Variants in GRIP2 observed in about 807,000 individuals in gnomAD.
GRIP2 encodes glutamate receptor interacting protein 2.
GRIP2 carries 58 observed loss-of-function variants against 108.3 expected under a neutral mutation model. That is an observed-to-expected ratio of 0.54 (90% CI 0.43 to 0.67). The LOEUF (loss-of-function observed/expected upper bound fraction) is 0.67, where lower values mean the gene tolerates loss of function less well. GRIP2 is among the 30% of genes least tolerant of loss of function. The pLI is 0.00. For missense variants in GRIP2, 1,278 were observed against 1,430.6 expected (o/e 0.89, Z 1.72); for synonymous variants, 586 against 598.2 (o/e 0.98, Z 0.30).
chr3:14,521,060 G>A lies in GRIP2; in HGVS notation c.713-523C>T, dbSNP rs559633357. On this transcript the variant is annotated intron_variant, in intron 7 of 23. Transcript: ENST00000621039. This position sits in a 1 kb window ranked among gnomAD's most constrained non-coding sequence, Gnocchi z 5.1. ...GCCACCAGCCTGGTTCAGTCCCTTAGCTCTCGCTTGGACAGCTGCTGCCGC... is the reference window on the plus strand; with the variant it reads ...GCCACCAGCCTGGTTCAGTCCCTTAACTCTCGCTTGGACAGCTGCTGCCGC... 7.4e-4 allele frequency: 128 copies of A among 171,922 alleles called. 1 individual carries two copies. In the South Asian group the frequency reaches 0.018, roughly 24 times the overall value. The allele number at this position is 171,922 out of a possible 1,614,324, so 10.6% of individuals were successfully genotyped here.
intron 9 of GRIP2, among the ~76,000 whole-genome samples, chr3:14,519,897 G>T (rs553981475): frequency 1.4e-4 from 21 of 152,110 alleles, no homozygotes; most frequent in Non-Finnish European, 2.6e-4. Flanking sequence ...ATCTATGCCA[G>T]CAGACTCAAT....
At chr3:14,583,501 C>T in the GRIP2 span, among the ~76,000 whole-genome samples, 6 of 152,320 alleles carry the variant, frequency 3.9e-5, no homozygotes, top group South Asian at 8.3e-4. Context: ...GCTACTGGGG[C>T]CTTCCCTGAC....
the GRIP2 span, chr3:14,572,931 C>A: frequency 7.2e-6 from 10 of 1,384,068 alleles, no homozygotes; most frequent in Admixed American, 1.7e-4. Context: ...ACACCACTCA[C>A]GGCAGACAGG....
Position 14,511,322 on chromosome 3 carries a change from G to C in GRIP2, c.1788-12C>G, listed in dbSNP as rs148141403. 6.2e-7 allele frequency: 1 copy of C among 1,613,954 alleles called. No homozygotes were observed. The highest frequency in any genetic ancestry group is 1.7e-5 in the Admixed American group (1 of 60,024). The stretch of plus-strand genomic sequence containing the variant: ...CCAGGGTGCCCGTCCTGCATGAGTC[G>C]GGGGCAGAGGGGATGGAAGGAGCCT... On this transcript the variant is annotated splice_polypyrimidine_tract_variant and intron_variant, in intron 15 of 23. Coordinates refer to ENST00000621039, the MANE Select transcript of GRIP2 (RefSeq NM_001080423.4). This position sits in a 1 kb window ranked among gnomAD's most constrained non-coding sequence, Gnocchi z 4.1.
chr3:14,509,025 C>T (rs1694008241), intron 17 of GRIP2, among the ~76,000 whole-genome samples: 1 of 152,090 alleles, frequency 6.6e-6, no homozygotes, highest in Non-Finnish European at 1.5e-5. Flanking sequence ...TTGATGAAGA[C>T]ATTGGGGTCA....
chr3:14,503,872 C>A (rs1374699908), intron 20 of GRIP2: 21 of 584,926 alleles, frequency 3.6e-5, no homozygotes, highest in Non-Finnish European at 2.7e-5. Context: ...GGGAAAGACG[C>A]AGTTAGGGGC....
At position 14,517,826 on chromosome 3, in the gene GRIP2, C is replaced by A. The variant is rs369712262; in HGVS notation, c.1102G>T (p.Gly368Cys). 14 of 1,604,808 alleles carry A rather than the reference C, an allele frequency of 8.7e-6. No homozygotes were observed. Among genetic ancestry groups the A allele is most frequent in the South Asian group, 1.1e-5 (1 of 89,206 alleles). Residue 368 changes from glycine to cysteine, a missense_variant, in exon 10 of 24, where the codon GGC becomes TGC. Transcript: ENST00000621039. ...CVPSCHSPRP[G>C]HCRMPTWATP... is the part of the protein sequence containing the mutation. ...GCCCAGGTGGGCATCCTGCAGTGGC[C>A]GGGCCGGGGGCTGTGGCAGGAGGGC...
the GRIP2 span, among the ~76,000 whole-genome samples, chr3:14,579,246 A>C: frequency 1.3e-5 from 2 of 152,168 alleles, no homozygotes; most frequent in African/African-American, 4.8e-5. Flanking sequence ...GACAAACTGA[A>C]TACATACCAA....
chr3:14,489,969 A>G lies in GRIP2; in HGVS notation c.*3696T>C, dbSNP rs1465599709. The G allele has an allele frequency of 6.6e-6, 1 of 152,094 alleles. No individual in the cohort carries two copies. The highest frequency in any genetic ancestry group is 1.5e-5 in the Non-Finnish European group (1 of 68,036). The allele number at this position is 152,094 out of a possible 1,614,324, so 9.4% of individuals were successfully genotyped here. On this transcript the variant is annotated 3_prime_UTR_variant, in exon 24 of 24. Transcript: ENST00000621039. ...AGCCTTCCTGCCAACAGCGCCCCCCACCCTTTGGGATGGACAAACTCGGGA... is the reference window on the plus strand; with the variant it reads ...AGCCTTCCTGCCAACAGCGCCCCCCGCCCTTTGGGATGGACAAACTCGGGA...
chr3:14,497,567 C>A (rs1447530932), intron 21 of GRIP2, among the ~76,000 whole-genome samples: 1 of 152,156 alleles, frequency 6.6e-6, no homozygotes, highest in Non-Finnish European at 1.5e-5. Flanking sequence ...CCTGCGGCGC[C>A]CTCTAGACCA....
chr3:14,588,420 G>A, the GRIP2 span, among the ~76,000 whole-genome samples: 1 of 152,110 alleles, frequency 6.6e-6, no homozygotes, highest in Non-Finnish European at 1.5e-5. Flanking sequence ...GCCAAACTGA[G>A]TGGTCTCTGA....
chr3:14,498,919 C>T (rs1364956015), intron 21 of GRIP2, among the ~76,000 whole-genome samples: 9 of 152,164 alleles, frequency 5.9e-5, no homozygotes, highest in South Asian at 2.1e-4. Flanking sequence ...ACGAGACATA[C>T]GCGTTTGGAG....
chr3:14,594,398 G>A, the GRIP2 span, among the ~76,000 whole-genome samples: 2 of 152,092 alleles, frequency 1.3e-5, no homozygotes, highest in South Asian at 2.1e-4. Context: ...AAGCGGTGAC[G>A]TGCTGCCACA....
At chr3:14,571,793 T>G in the GRIP2 span, among the ~76,000 whole-genome samples, 2,425 of 152,288 alleles carry the variant, frequency 0.016, 37 homozygotes, top group Non-Finnish European at 0.026. Flanking sequence ...AGGATCTGTA[T>G]TTTTAAAGCT....
the GRIP2 span, among the ~76,000 whole-genome samples, chr3:14,585,168 A>C: frequency 1.3e-5 from 2 of 152,044 alleles, no homozygotes; most frequent in Admixed American, 1.3e-4. Context: ...GACTACACTC[A>C]CCCGCCACCA....
chr3:14,514,389 C>G lies in GRIP2; in HGVS notation c.1396G>C (p.Gly466Arg). 6.4e-7 allele frequency: 1 copy of G among 1,574,464 alleles called. No homozygotes were observed. Among genetic ancestry groups the G allele is most frequent in the Non-Finnish European group, 8.6e-7 (1 of 1,161,248 alleles). ...EVVLCGDPLS[G>R]FGLQLQGGIF... The stretch of plus-strand genomic sequence containing the variant: ...CCGCCCTGGAGCTGGAGGCCAAAGC[C>G]GCTGAGGGGGTCTCCACAGAGCACG... Residue 466 changes from glycine (G) to arginine (R), a missense_variant, in exon 12 of 24, where the codon GGC becomes CGC. By Grantham distance (125) the Gly-to-Arg change is moderately radical. Coordinates refer to ENST00000621039, the MANE Select transcript of GRIP2 (RefSeq NM_001080423.4).
chr3:14,596,957 G>A, the GRIP2 span, among the ~76,000 whole-genome samples: 1 of 152,084 alleles, frequency 6.6e-6, no homozygotes, highest in South Asian at 2.1e-4. Context: ...TGCCCAGGCT[G>A]GTCTCAAACT....
In GRIP2 at chr3:14,535,190, C is replaced by A. The variant is rs930960618; in HGVS notation, c.40+5079G>T. Among the ~76,000 whole-genome samples the A allele has an allele frequency of 5.3e-5, 8 of 152,304 alleles. No individual in the cohort carries two copies. In the East Asian group the frequency reaches 9.6e-4, roughly 18 times the overall value. On this transcript the variant is annotated intron_variant, in intron 1 of 23. Transcript: ENST00000621039. ...CCACCAAGTGACGGTCCAGCCCCAG[C>A]CAGCTTCGCCCCACCATGGAAGGGA...
At chr3:14,539,409 AG>A (rs1694907281) in intron 1 of GRIP2, among the ~76,000 whole-genome samples, 1 of 152,284 alleles carries the variant, frequency 6.6e-6, no homozygotes, top group African/African-American at 2.4e-5. Flanking sequence ...CCTCAGAAGC[AG>A]GGCTGGGGGC....
Sources: gnomAD v4.1 joint callset for allele counts (sites outside exome capture counted in the v4.1 genomes callset) on GRCh38, gnomAD v4.1.1 for gene constraint, Gnocchi (gnomAD v3.1) non-coding constraint, MANE v1.5 for transcripts, NCBI Gene and HGNC (gene_info 2026-07-23, HGNC 2026-07-21) for gene names.